TTC28: variants seen among roughly 807,000 people sequenced by gnomAD.
TTC28 encodes tetratricopeptide repeat domain 28, also known as tetratricopeptide repeat protein 28.
Under a neutral mutation model 198.0 loss-of-function variants are expected in TTC28, and 61 were observed. That is an observed-to-expected ratio of 0.31 (90% CI 0.25 to 0.38). The LOEUF is 0.38. Among genes scored for constraint, TTC28 ranks in the 10% least tolerant of loss-of-function variants. The pLI, the probability that TTC28 is intolerant of heterozygous loss-of-function variation, is 1.00. For synonymous variants in TTC28, 1,171 were observed against 1,297.8 expected (o/e 0.90, Z 2.10); for missense variants, 2,678 against 3,164.0 (o/e 0.85, Z 3.69).
At chr22:28,632,253 CTTTTTTTTTTTTTT>C (rs765447917) in intron 1 of TTC28, among the ~76,000 whole-genome samples, 1 of 49,698 alleles carries the variant, frequency 2.0e-5, no homozygotes, top group East Asian at 7.2e-4. Flanking sequence ...TTATATTCAA[CTTTTTTTTTTTTTT>C]TTTTTTTTTT....
chr22:28,050,270 C>A (rs1035798237), intron 12 of TTC28, among the ~76,000 whole-genome samples: 69 of 152,240 alleles, frequency 4.5e-4, no homozygotes, highest in African/African-American at 1.6e-3. Flanking sequence ...AATCCAGGGA[C>A]ACATTTTCTA....
At chr22:28,203,209 G>T (rs1926120046) in intron 5 of TTC28, among the ~76,000 whole-genome samples, 3 of 152,134 alleles carry the variant, frequency 2.0e-5, no homozygotes, top group African/African-American at 7.2e-5. Flanking sequence ...TTTTCATGTA[G>T]GCCCTCAAGC....
At chr22:28,458,718 A>G (rs1233722248) in intron 2 of TTC28, among the ~76,000 whole-genome samples, 1 of 151,814 alleles carries the variant, frequency 6.6e-6, no homozygotes, top group Admixed American at 6.6e-5. Context: ...CATCTCTACT[A>G]AAAATACAAA....
chr22:28,163,362 G>A lies in TTC28; in HGVS notation c.1171C>T (p.Arg391Ter), dbSNP rs1327927923. 1.3e-6 allele frequency: 2 copies of A among 1,552,024 alleles called. No homozygotes were observed. The highest frequency in any genetic ancestry group is 8.7e-7 in the Non-Finnish European group (1 of 1,147,068). The change falls in exon 6 of 23, where the codon CGA becomes TGA. Residue 391 changes from arginine (R) to a stop codon, truncating the protein, a stop_gained. Coordinates refer to ENST00000397906, the MANE Select transcript of TTC28 (RefSeq NM_001145418.2). LOFTEE classifies it high-confidence loss of function. ...LKIAKDLGNK[R>*]EEARAYSNLG... ...TTGCTATAAGCCCGGGCCTCTTCTC[G>A]CTTGTTCCCCAGGTCCTTGGCTATC...
chr22:28,517,125 T>C (rs1406303964), intron 2 of TTC28, among the ~76,000 whole-genome samples: 2 of 152,160 alleles, frequency 1.3e-5, no homozygotes, highest in Non-Finnish European at 1.5e-5. Flanking sequence ...CTTTCCTCTA[T>C]ATCAGACTGA....
chr22:28,535,482 A>G (rs2049246430), intron 2 of TTC28, among the ~76,000 whole-genome samples: 1 of 152,206 alleles, frequency 6.6e-6, no homozygotes, highest in African/African-American at 2.4e-5. Context: ...TATACCTTTG[A>G]GATTCATTAA....
intron 2 of TTC28, among the ~76,000 whole-genome samples, chr22:28,534,662 C>T (rs904516960): frequency 2.0e-5 from 3 of 152,134 alleles, no homozygotes; most frequent in East Asian, 3.8e-4. Flanking sequence ...TGGAACCAAC[C>T]CAAATGTCCA....
intron 2 of TTC28, among the ~76,000 whole-genome samples, chr22:28,334,607 G>A (rs1322074781): frequency 6.6e-6 from 1 of 152,152 alleles, no homozygotes; most frequent in African/African-American, 2.4e-5. Context: ...GGCCAGTGAT[G>A]GTGAGCATTT....
At chr22:28,647,931 A>T (rs2051496736) in intron 1 of TTC28, among the ~76,000 whole-genome samples, 1 of 151,666 alleles carries the variant, frequency 6.6e-6, no homozygotes, top group Non-Finnish European at 1.5e-5. Context: ...TATATTTAAA[A>T]ATGATCAACA....
At chr22:28,298,508 C>T (rs1569246173) in intron 3 of TTC28, among the ~76,000 whole-genome samples, 1 of 152,050 alleles carries the variant, frequency 6.6e-6, no homozygotes, top group African/African-American at 2.4e-5. Flanking sequence ...AGTGCAGTGG[C>T]ATAATCGTGG....
intron 2 of TTC28, among the ~76,000 whole-genome samples, chr22:28,535,255 G>C (rs181684686): frequency 6.6e-6 from 1 of 152,170 alleles, no homozygotes; most frequent in Admixed American, 6.5e-5. Context: ...TTATGGACTT[G>C]TAAGGGCATA....
chr22:28,184,050 A>C (rs1377457198), intron 5 of TTC28, among the ~76,000 whole-genome samples: 1 of 152,156 alleles, frequency 6.6e-6, no homozygotes, highest in Non-Finnish European at 1.5e-5. Flanking sequence ...CTAGGTTTGA[A>C]TCCTGTGTCT....
At chr22:28,549,025 T>C (rs955030895) in intron 2 of TTC28, among the ~76,000 whole-genome samples, 1 of 152,124 alleles carries the variant, frequency 6.6e-6, no homozygotes, top group Admixed American at 6.6e-5. Flanking sequence ...TACTTTTTTT[T>C]CTTTTTTCCT....
chr22:28,641,945 G>A (rs1353930210), intron 1 of TTC28, among the ~76,000 whole-genome samples: 5 of 152,110 alleles, frequency 3.3e-5, no homozygotes, highest in African/African-American at 9.7e-5. Context: ...CTTAGTGTAC[G>A]TATAAATTAC....
intron 6 of TTC28, among the ~76,000 whole-genome samples, chr22:28,156,157 T>A (rs1292739292): frequency 6.6e-6 from 1 of 152,208 alleles, no homozygotes. Context: ...CTCCAGAACC[T>A]GTGAATGTTA....
chr22:28,049,139 C>T (rs778931148), intron 12 of TTC28, among the ~76,000 whole-genome samples: 20 of 152,218 alleles, frequency 1.3e-4, no homozygotes, highest in Non-Finnish European at 2.1e-4. Flanking sequence ...GCCTTGGCTA[C>T]AGCAGAGCTC....
At chr22:28,154,202 T>C (rs1299865192) in intron 6 of TTC28, among the ~76,000 whole-genome samples, 1 of 152,184 alleles carries the variant, frequency 6.6e-6, no homozygotes, top group Non-Finnish European at 1.5e-5. Context: ...GCAGCACATC[T>C]GAGGTTTGAC....
intron 2 of TTC28, among the ~76,000 whole-genome samples, chr22:28,498,211 T>C (rs2048483650): frequency 6.6e-6 from 1 of 151,122 alleles, no homozygotes; most frequent in Non-Finnish European, 1.5e-5. Flanking sequence ...TCTCCTCACA[T>C]GAGGAGCCTA....
At chr22:28,264,169 G>C (rs750598650) in intron 5 of TTC28, among the ~76,000 whole-genome samples, 3 of 152,022 alleles carry the variant, frequency 2.0e-5, no homozygotes, top group African/African-American at 2.4e-5. Flanking sequence ...GAATCATGAG[G>C]GCAGATTTTT....
Sources: gnomAD v4.1 joint callset for allele counts (sites outside exome capture counted in the v4.1 genomes callset) on GRCh38, gnomAD v4.1.1 for gene constraint, MANE v1.5 for transcripts, NCBI Gene and HGNC (gene_info 2026-07-23, HGNC 2026-07-21) for gene names.